CASP8: variants seen among roughly 807,000 people sequenced by gnomAD.
The protein encoded by CASP8 is caspase-8.
CASP8 carries 24 observed loss-of-function variants against 46.3 expected under a neutral mutation model. The observed-to-expected ratio is 0.52, with a 90% confidence interval of 0.38 to 0.73. The LOEUF is 0.73. Ranked by LOEUF, CASP8 falls within the 30% of genes least tolerant of loss-of-function variation. The probability of loss-of-function intolerance (pLI) is 0.00; values close to 1 mark genes in which losing one functional copy is unlikely to be tolerated. For synonymous variants in CASP8, 188 were observed against 200.4 expected (o/e 0.94, Z 0.52); for missense variants, 460 against 559.0 (o/e 0.82, Z 1.79).
At chr2:201,247,669 G>C (rs1313329372) in intron 2 of CASP8, among the ~76,000 whole-genome samples, 1 of 149,796 alleles carries the variant, frequency 6.7e-6, no homozygotes, top group Non-Finnish European at 1.5e-5. Flanking sequence ...TTTTGAGATG[G>C]AGTCTCGCTC....
At chr2:201,285,505 A>C (rs1303148690) in intron 8 of CASP8, among the ~76,000 whole-genome samples, 188 bp downstream of exon 8, 1 of 152,250 alleles carries the variant, frequency 6.6e-6, no homozygotes. Flanking sequence ...TGTAGATCAC[A>C]TAGCTGCATT....
chr2:201,250,587 C>G (rs1946734955), intron 2 of CASP8, among the ~76,000 whole-genome samples: 1 of 152,192 alleles, frequency 6.6e-6, no homozygotes, highest in Non-Finnish European at 1.5e-5. Context: ...TTCTATCATG[C>G]AAACAGCACT....
intron 1 of CASP8, chr2:201,262,001 GT>G (rs1227257346): frequency 6.6e-6 from 1 of 152,142 alleles, no homozygotes; most frequent in Non-Finnish European, 1.5e-5. Flanking sequence ...CTCTCCTATA[GT>G]GGATTTGTTA....
intron 2 of CASP8, among the ~76,000 whole-genome samples, chr2:201,245,250 T>C (rs751066422): frequency 2.0e-4 from 30 of 151,888 alleles, no homozygotes; most frequent in Non-Finnish European, 3.5e-4. Context: ...TTATTTGTTT[T>C]TGTTTTTTTT....
chr2:201,244,165 A>C (rs528366475), intron 2 of CASP8, among the ~76,000 whole-genome samples: 1 of 152,326 alleles, frequency 6.6e-6, no homozygotes, highest in Admixed American at 6.5e-5. Flanking sequence ...CAGGATCAAG[A>C]TCACTTCCAG....
chr2:201,239,093 C>T (rs988591944), intron 2 of CASP8, among the ~76,000 whole-genome samples: 3 of 152,190 alleles, frequency 2.0e-5, no homozygotes, highest in African/African-American at 4.8e-5. Flanking sequence ...GGTAAGGTCA[C>T]AGATCTACAG....
intron 2 of CASP8, among the ~76,000 whole-genome samples, chr2:201,254,546 T>C (rs1459403753): frequency 1.3e-5 from 2 of 152,202 alleles, no homozygotes; most frequent in Non-Finnish European, 2.9e-5. Flanking sequence ...ATGGGTTATA[T>C]ACAAACTCCC....
chr2:201,256,428 C>T (rs1947020863), upstream of CASP8, among the ~76,000 whole-genome samples: 1 of 152,220 alleles, frequency 6.6e-6, no homozygotes, highest in Non-Finnish European at 1.5e-5. Flanking sequence ...GTGGCTGTGT[C>T]TGGCATACGC....
At chr2:201,255,568 G>C (rs778651508), upstream of CASP8, among the ~76,000 whole-genome samples, 2 of 152,164 alleles carry the variant, frequency 1.3e-5, no homozygotes, top group African/African-American at 4.8e-5. Context: ...TACATGCAGG[G>C]AGATGTGTAC....
intron 7 of CASP8, among the ~76,000 whole-genome samples, chr2:201,284,387 T>C (rs1287293917): frequency 1.3e-5 from 1 of 75,488 alleles, no homozygotes; most frequent in Admixed American, 1.2e-4. Context: ...CTGGGCACCA[T>C]TGAGCACTGA....
At chr2:201,275,080 A>C (rs779333178) in intron 6 of CASP8, 127 bp downstream of exon 6, 1 of 726,678 alleles carries the variant, frequency 1.4e-6, no homozygotes, top group Non-Finnish European at 2.4e-6. Context: ...AATTTTGAGA[A>C]CTGTAGAAAA....
rs1947320575 is a variant in CASP8 at position 201,260,624 on chromosome 2, G to C, written c.-27+11G>C. ...CATCGTGAGAGTAAGGTAAGGATTTGCCTCTTTGTTAAGGTCAGAGGGGCC... is the reference window on the plus strand; with the variant it reads ...CATCGTGAGAGTAAGGTAAGGATTTCCCTCTTTGTTAAGGTCAGAGGGGCC... On this transcript the variant is annotated intron_variant, in intron 1 of 8. Transcript: ENST00000673742. The C allele has an allele frequency of 5.3e-6, 5 of 952,270 alleles. No homozygotes were observed. The highest frequency in any genetic ancestry group is 6.3e-6 in the Non-Finnish European group (5 of 799,646). The allele number at this position is 952,270 out of a possible 1,614,324, so 59.0% of individuals were successfully genotyped here. A position where few individuals can be genotyped will look rare whatever the true frequency, so the allele number is the denominator to read the frequency against.
intron 2 of CASP8, among the ~76,000 whole-genome samples, chr2:201,249,357 C>A (rs34716089): frequency 6.6e-6 from 1 of 152,072 alleles, no homozygotes; most frequent in African/African-American, 2.4e-5. Flanking sequence ...TCACCTTTAC[C>A]CATGTATCAA....
At position 201,272,900 on chromosome 2, in the gene CASP8, A is replaced by C. The variant is rs140527175; in HGVS notation, c.553A>C (p.Arg185=). ...INDYEEFSKE[R]SSSLEGSPDE... ...TGGGGTTTCCCCTTTTAATTCAGAG[A>C]GAAGCAGCAGCCTTGAAGGAAGTCC... The change falls in exon 5 of 9, where the codon AGA becomes CGA. Residue 185 remains arginine, a splice_region_variant and synonymous_variant. Coordinates refer to ENST00000673742, the MANE Select transcript of CASP8 (RefSeq NM_001372051.1). This position sits in a 1 kb window ranked among gnomAD's most constrained non-coding sequence, Gnocchi z 4.4. 2.3e-4 allele frequency: 375 copies of C among 1,614,148 alleles called. 1 individual carries two copies. In the African/African-American group the frequency reaches 4.3e-3, roughly 19 times the overall value.
intron 2 of CASP8, among the ~76,000 whole-genome samples, chr2:201,237,439 A>T (rs1206721410): frequency 3.2e-5 from 4 of 125,848 alleles, no homozygotes; most frequent in East Asian, 8.4e-4. Flanking sequence ...TCTTCAGAGT[A>T]AAAAAAAAAA....
intron 7 of CASP8, among the ~76,000 whole-genome samples, chr2:201,283,595 C>T (rs376810186): frequency 0.12 from 6,379 of 55,312 alleles, 235 homozygotes; most frequent in Non-Finnish European, 0.14. Flanking sequence ...CCCTCCCGGA[C>T]GGGGCGGCTG....
chr2:201,277,117 C>G, intron 7 of CASP8, 149 bp downstream of exon 7: 1 of 612,308 alleles, frequency 1.6e-6, no homozygotes. Context: ...AAAGAACATT[C>G]TTATACATTT....
At chr2:201,283,030 T>C (rs1293588981) in intron 7 of CASP8, among the ~76,000 whole-genome samples, 1,207 of 44,478 alleles carry the variant, frequency 0.027, 3 homozygotes, top group African/African-American at 0.064. Flanking sequence ...ACGGGGCGGC[T>C]GGCCGGGCAG....
rs1220554240 is a variant in CASP8 at position 201,286,861 on chromosome 2, C to T, written c.*267C>T. ...GTCTTGATCTCCTGACCTCGTGATC[C>T]ACCCACCTCGGCCTCCCAAAGTGCT... On this transcript the variant is annotated 3_prime_UTR_variant, in exon 9 of 9. Coordinates refer to ENST00000673742, the MANE Select transcript of CASP8 (RefSeq NM_001372051.1). 5.1e-6 allele frequency: 2 copies of T among 393,130 alleles called. No homozygotes were observed. The highest frequency in any genetic ancestry group is 1.1e-4 in the East Asian group (2 of 18,122). The allele number at this position is 393,130 out of a possible 1,614,324, so 24.4% of individuals were successfully genotyped here.
Sources: allele counts gnomAD v4.1 joint callset (sites outside exome capture counted in the v4.1 genomes callset), GRCh38; gene constraint gnomAD v4.1.1; non-coding constraint Gnocchi (gnomAD v3.1); transcripts MANE v1.5; gene names NCBI Gene and HGNC (gene_info 2026-07-23, HGNC 2026-07-21).